The following SPATS2 variants were observed in gnomAD, a reference collection of about 807,000 sequenced individuals.
SPATS2 encodes spermatogenesis associated serine rich 2.
A neutral mutation model predicts 63.7 loss-of-function variants in SPATS2; 38 were observed. The observed-to-expected ratio is 0.60, with a 90% CI of 0.46 to 0.78. SPATS2 has a LOEUF of 0.78. Among genes scored for constraint, SPATS2 ranks in the 30% least tolerant of loss-of-function variants. SPATS2 has a pLI of 0.00. For missense variants in SPATS2, 588 were observed against 666.2 expected, an observed-to-expected ratio of 0.88 and a Z score of 1.29; for synonymous variants, 207 against 232.9, an observed-to-expected ratio of 0.89 and a Z score of 1.01.
chr12:49,518,824 T>A (rs1381789336), intron 10 of SPATS2, among the ~76,000 whole-genome samples: 2 of 152,200 alleles, frequency 1.3e-5, no homozygotes, highest in Non-Finnish European at 2.9e-5. Flanking sequence ...CTTGATAAAA[T>A]TTTTTTGACT....
intron 10 of SPATS2, among the ~76,000 whole-genome samples, chr12:49,516,156 AAAAAAAAAAAATATATAT>A (rs1946838446): frequency 2.4e-5 from 1 of 41,328 alleles, no homozygotes; most frequent in African/African-American, 1.1e-4. Context: ...AAAAAAAAAA[AAAAAAAAAAAATATATAT>A]ATATATATAT....
chr12:49,404,013 G>T (rs1251923464), intron 2 of SPATS2, among the ~76,000 whole-genome samples: 1 of 152,142 alleles, frequency 6.6e-6, no homozygotes, highest in Admixed American at 6.6e-5. Context: ...AGATTCATTC[G>T]TTCCAGTGGA....
At chr12:49,525,305 T>C (rs1947014636) in intron 13 of SPATS2, among the ~76,000 whole-genome samples, 1 of 152,058 alleles carries the variant, frequency 6.6e-6, no homozygotes, top group South Asian at 2.1e-4. Flanking sequence ...CTGGTGGGGA[T>C]GGGGGGAAAA....
At chr12:49,434,144 G>A (rs934114972) in intron 2 of SPATS2, among the ~76,000 whole-genome samples, 1 of 152,122 alleles carries the variant, frequency 6.6e-6, no homozygotes, top group Non-Finnish European at 1.5e-5. Flanking sequence ...CTAAATGTAT[G>A]TCTTTATGCC....
At chr12:49,488,977 T>C (rs531282421) in intron 4 of SPATS2, among the ~76,000 whole-genome samples, 2 of 152,330 alleles carry the variant, frequency 1.3e-5, no homozygotes, top group African/African-American at 4.8e-5. Flanking sequence ...GGTGTCATTA[T>C]GTTTTATATG....
intron 9 of SPATS2, among the ~76,000 whole-genome samples, chr12:49,502,779 T>C (rs746487073): frequency 6.6e-6 from 1 of 152,108 alleles, no homozygotes; most frequent in Non-Finnish European, 1.5e-5. Context: ...TCTTGACACA[T>C]ATTTTTGCTC....
intron 4 of SPATS2, among the ~76,000 whole-genome samples, chr12:49,485,731 A>G (rs1453177645): frequency 6.6e-6 from 1 of 151,450 alleles, no homozygotes; most frequent in Admixed American, 6.6e-5. Flanking sequence ...CTGTACTGAG[A>G]AAAACATAAA....
At chr12:49,462,861 G>A (rs1380940852) in intron 3 of SPATS2, 2 of 215,338 alleles carry the variant, frequency 9.3e-6, no homozygotes, top group Admixed American at 5.6e-5. Flanking sequence ...TGAGTCTGGG[G>A]TCTTTATAGG....
intron 2 of SPATS2, chr12:49,389,565 A>G: frequency 2.0e-6 from 2 of 1,018,978 alleles, no homozygotes; most frequent in South Asian, 2.5e-5. Flanking sequence ...ACTCTTGTTG[A>G]AAGATTAAGA....
intron 2 of SPATS2, among the ~76,000 whole-genome samples, chr12:49,437,806 G>C (rs1162720505): frequency 6.6e-6 from 1 of 152,172 alleles, no homozygotes; most frequent in Non-Finnish European, 1.5e-5. Context: ...CTCGGCATCA[G>C]GGGGAGACCG....
chr12:49,369,378 T>C (rs561967578), intron 1 of SPATS2, among the ~76,000 whole-genome samples: 1 of 152,318 alleles, frequency 6.6e-6, no homozygotes, highest in South Asian at 2.1e-4. Flanking sequence ...GGTGCTAAGA[T>C]TTTTTTGTAT....
chr12:49,449,670 G>A lies in SPATS2; in HGVS notation c.-243-11100G>A, dbSNP rs1945583011. On this transcript the variant is annotated intron_variant, in intron 2 of 13. Coordinates refer to ENST00000552918, the MANE Select transcript of SPATS2 (RefSeq NM_023071.4). ...TAATGGAAGGTGAAAGAGGAGCAAAGTCATGTCTTACATGGAAGCAGGCAA... is the reference window on the plus strand; with the variant it reads ...TAATGGAAGGTGAAAGAGGAGCAAAATCATGTCTTACATGGAAGCAGGCAA... Among the ~76,000 whole-genome samples, 5 of 152,200 alleles carry A rather than the reference G, an allele frequency of 3.3e-5. No individual in the cohort carries two copies. The South Asian group carries it at 8.3e-4, about 25-fold the overall frequency.
At chr12:49,475,463 C>G (rs1307430662) in intron 3 of SPATS2, among the ~76,000 whole-genome samples, 1 of 151,626 alleles carries the variant, frequency 6.6e-6, no homozygotes, top group Non-Finnish European at 1.5e-5. Context: ...TGTTTTGAGA[C>G]GGAGTCTTGC....
intron 5 of SPATS2, chr12:49,490,287 C>A: frequency 6.0e-6 from 1 of 167,180 alleles, no homozygotes; most frequent in Non-Finnish European, 1.3e-5. Context: ...GGGTAATGTG[C>A]AGCTGTCTCC....
chr12:49,520,800 C>T (rs1488709070), intron 11 of SPATS2, among the ~76,000 whole-genome samples: 1 of 151,672 alleles, frequency 6.6e-6, no homozygotes, highest in Non-Finnish European at 1.5e-5. Context: ...CTCACTGCAA[C>T]CTTTACCTCC....
Position 49,524,633 on chromosome 12 carries a change from T to C in SPATS2, c.1112-49T>C, listed in dbSNP as rs746834156. On this transcript the variant is annotated intron_variant, in intron 12 of 13. Transcript: ENST00000552918. ...ATTGAGAAAGTAGAAACCTTATCCA[T>C]TGTGCTGTTCTATCATATGATCATA... 3.2e-6 allele frequency: 5 copies of C among 1,570,236 alleles called. No homozygotes were observed. In the South Asian group the frequency reaches 4.5e-5, roughly 14 times the overall value.
chr12:49,447,462 C>A (rs1487646302), intron 2 of SPATS2, among the ~76,000 whole-genome samples: 1 of 152,092 alleles, frequency 6.6e-6, no homozygotes, highest in Non-Finnish European at 1.5e-5. Context: ...TGGTCTCAAT[C>A]TCTTGACCTC....
Position 49,514,540 on chromosome 12 carries a change from G to T in SPATS2, c.840-15G>T, listed in dbSNP as rs1304214616. ...TTCTGATCAAACTTTTTATTCCTTTGTCATCTTTTCCTAGTTTAATGGATC... is the reference window on the plus strand; with the variant it reads ...TTCTGATCAAACTTTTTATTCCTTTTTCATCTTTTCCTAGTTTAATGGATC... On this transcript the variant is annotated splice_polypyrimidine_tract_variant and intron_variant, in intron 9 of 13. Transcript: ENST00000552918. 1 of 1,609,852 alleles carries T rather than the reference G, an allele frequency of 6.2e-7. No homozygotes were observed.
At chr12:49,426,833 G>A (rs924702519) in intron 2 of SPATS2, among the ~76,000 whole-genome samples, 5 of 152,142 alleles carry the variant, frequency 3.3e-5, no homozygotes, top group Admixed American at 6.5e-5. Flanking sequence ...GTGAGCCACC[G>A]TGCCCAGCCT....
Sources: gnomAD v4.1 joint callset for allele counts (sites outside exome capture counted in the v4.1 genomes callset) on GRCh38, gnomAD v4.1.1 for gene constraint, MANE v1.5 for transcripts, NCBI Gene and HGNC (gene_info 2026-07-23, HGNC 2026-07-21) for gene names.